The following CDK6 variants were observed in gnomAD, a reference collection of about 807,000 sequenced individuals.
The protein encoded by CDK6 is cyclin-dependent kinase 6.
CDK6 carries 6 observed loss-of-function variants against 37.1 expected under a neutral mutation model. The ratio of observed to expected loss-of-function variants is 0.16; its 90% CI spans 0.09 to 0.32. CDK6 has a LOEUF of 0.32. Among genes scored for constraint, CDK6 ranks in the 10% least tolerant of loss-of-function variants. The pLI is 1.00. For synonymous variants in CDK6, 160 were observed against 161.3 expected, an observed-to-expected ratio of 0.99 and a Z score of 0.06; for missense variants, 224 against 418.9, an observed-to-expected ratio of 0.53 and a Z score of 4.06.
chr7:92,680,668 T>C (rs1253957072), intron 4 of CDK6, among the ~76,000 whole-genome samples: 2 of 152,106 alleles, frequency 1.3e-5, no homozygotes, highest in Admixed American at 1.3e-4. Context: ...AGGGCTGTAT[T>C]TCCTCACATC....
intron 2 of CDK6, among the ~76,000 whole-genome samples, chr7:92,820,733 A>C (rs572853838): frequency 6.6e-6 from 1 of 152,148 alleles, no homozygotes; most frequent in Non-Finnish European, 1.5e-5. Context: ...CATTTTTCAG[A>C]GTAGAAAGTC....
chr7:92,663,682 C>T (rs1348980977), intron 5 of CDK6, among the ~76,000 whole-genome samples: 3 of 150,172 alleles, frequency 2.0e-5, no homozygotes. Flanking sequence ...GCCTGGGCAA[C>T]AGAGCGAGAC....
At chr7:92,818,505 T>G (rs936869746) in intron 2 of CDK6, among the ~76,000 whole-genome samples, 2 of 151,448 alleles carry the variant, frequency 1.3e-5, no homozygotes, top group Admixed American at 6.6e-5. Context: ...GAAGAAAACA[T>G]AGGAAAAATC....
chr7:92,756,613 T>TA (rs1350998540), intron 3 of CDK6, among the ~76,000 whole-genome samples: 1 of 152,162 alleles, frequency 6.6e-6, no homozygotes. Flanking sequence ...TGCAATAACT[T>TA]AAAGAGTTGT....
At chr7:92,658,197 G>C (rs1796748139) in intron 5 of CDK6, among the ~76,000 whole-genome samples, 1 of 152,122 alleles carries the variant, frequency 6.6e-6, no homozygotes, top group Non-Finnish European at 1.5e-5. Context: ...ATTTGGTTTA[G>C]CTAGCACAAT....
chr7:92,752,610 A>G (rs1189346173), intron 3 of CDK6, among the ~76,000 whole-genome samples: 1 of 152,232 alleles, frequency 6.6e-6, no homozygotes, highest in East Asian at 1.9e-4. Flanking sequence ...AGTGTTTTCA[A>G]TGAAATACGC....
At chr7:92,770,070 C>T (rs370691448) in intron 3 of CDK6, among the ~76,000 whole-genome samples, 5 of 152,262 alleles carry the variant, frequency 3.3e-5, no homozygotes, top group African/African-American at 1.2e-4. Flanking sequence ...TGGCACTGAA[C>T]TCCTCCACAA....
rs1795617662 is a variant in CDK6 at position 92,613,964 on chromosome 7, G to A, written c.*1176C>T. The A allele has an allele frequency of 4.3e-6, 1 of 233,098 alleles. No individual in the cohort carries two copies. The highest frequency in any genetic ancestry group is 1.8e-4 in the South Asian group (1 of 5,536). The allele number at this position is 233,098 out of a possible 1,614,324, so 14.4% of individuals were successfully genotyped here. A position where few individuals can be genotyped will look rare whatever the true frequency, so the allele number is the denominator to read the frequency against. On this transcript the variant is annotated 3_prime_UTR_variant, in exon 8 of 8. Transcript: ENST00000424848. The stretch of plus-strand genomic sequence containing the variant: ...CAGGTGGTGCATGGGAACAGCTTAA[G>A]CAATCTGTTATTAGTTATACAATGG...
chr7:92,738,893 T>C (rs1798853640), intron 3 of CDK6, among the ~76,000 whole-genome samples: 1 of 152,144 alleles, frequency 6.6e-6, no homozygotes, highest in South Asian at 2.1e-4. Context: ...AAACCCCCAG[T>C]CAGCTTTTGG....
intron 4 of CDK6, among the ~76,000 whole-genome samples, chr7:92,698,944 T>C (rs1331435955): frequency 6.6e-6 from 1 of 152,252 alleles, no homozygotes; most frequent in Non-Finnish European, 1.5e-5. Context: ...TTTTCCTATA[T>C]GGGCTCTGGC....
At chr7:92,686,825 A>G (rs2116633372) in intron 4 of CDK6, among the ~76,000 whole-genome samples, 1 of 152,172 alleles carries the variant, frequency 6.6e-6, no homozygotes, top group Non-Finnish European at 1.5e-5. Context: ...TTGCAGGAGT[A>G]AGGCAGTATT....
At position 92,612,381 on chromosome 7, in the gene CDK6, G is replaced by A. The variant is rs1206602814; in HGVS notation, c.*2759C>T. 8 of 233,194 alleles carry A rather than the reference G, an allele frequency of 3.4e-5. No homozygotes were observed. The highest frequency in any genetic ancestry group is 2.2e-4 in the Admixed American group (4 of 17,798). 14.4% of individuals were successfully genotyped at this position (233,194 alleles called of 1,614,324 possible). A position where few individuals can be genotyped will look rare whatever the true frequency, so the allele number is the denominator to read the frequency against. On this transcript the variant is annotated 3_prime_UTR_variant, in exon 8 of 8. Transcript: ENST00000424848. Reference sequence around the variant, plus strand: ...ACCATATGTTACAGAAGAATAAGCTGTAGTCACTAAGTTCTTACTCTACTA... The same window carrying A: ...ACCATATGTTACAGAAGAATAAGCTATAGTCACTAAGTTCTTACTCTACTA...
intron 3 of CDK6, among the ~76,000 whole-genome samples, chr7:92,729,379 C>T (rs1798589653): frequency 6.6e-6 from 1 of 152,178 alleles, no homozygotes; most frequent in Non-Finnish European, 1.5e-5. Flanking sequence ...TTAAAAGTTT[C>T]CCTTTTTATG....
chr7:92,829,716 T>C (rs1161424537), intron 2 of CDK6, among the ~76,000 whole-genome samples: 3 of 152,212 alleles, frequency 2.0e-5, no homozygotes, highest in Non-Finnish European at 4.4e-5. Flanking sequence ...AGCACTTGAT[T>C]CTGATTAGCC....
At chr7:92,691,323 G>T (rs996298431) in intron 4 of CDK6, among the ~76,000 whole-genome samples, 12 of 152,174 alleles carry the variant, frequency 7.9e-5, no homozygotes, top group Non-Finnish European at 1.6e-4. Context: ...CAGAAACACA[G>T]ATGACTTCAT....
chr7:92,723,910 C>G (rs899272890), intron 4 of CDK6, among the ~76,000 whole-genome samples: 1 of 83,748 alleles, frequency 1.2e-5, no homozygotes, highest in Non-Finnish European at 2.9e-5. Context: ...ATTTAATAAG[C>G]AAAAAAAAAA....
chr7:92,789,961 A>G (rs973159438), intron 2 of CDK6, among the ~76,000 whole-genome samples: 5 of 152,084 alleles, frequency 3.3e-5, no homozygotes, highest in African/African-American at 4.8e-5. Context: ...TTCTTCCCCA[A>G]TGTACCACCA....
rs1372735387 is a variant in CDK6, at chr7:92,612,962, G to A, written c.*2178C>T. 2 of 232,968 alleles carry A rather than the reference G, an allele frequency of 8.6e-6. No homozygotes were observed. The highest frequency in any genetic ancestry group is 1.7e-5 in the Non-Finnish European group (2 of 117,966). 14.4% of individuals were successfully genotyped at this position (232,968 alleles called of 1,614,324 possible). On this transcript the variant is annotated 3_prime_UTR_variant, in exon 8 of 8. Coordinates refer to ENST00000424848, the MANE Select transcript of CDK6 (RefSeq NM_001145306.2). ...GGAAAGGCAGAACTCACTTTTCCATGTGAGACTTTGAGTAGACCTGACCTT... is the reference window on the plus strand; with the variant it reads ...GGAAAGGCAGAACTCACTTTTCCATATGAGACTTTGAGTAGACCTGACCTT...
intron 5 of CDK6, among the ~76,000 whole-genome samples, chr7:92,665,267 TCATCCATCCATCCATC>T (rs3831549): frequency 8.0e-5 from 12 of 150,826 alleles, no homozygotes; most frequent in East Asian, 2.0e-4. Flanking sequence ...AACCATCCAA[TCATCCATCCATCCATC>T]CATCCATCCA....
Sources: gnomAD v4.1 joint callset for allele counts (sites outside exome capture counted in the v4.1 genomes callset) on GRCh38, gnomAD v4.1.1 for gene constraint, MANE v1.5 for transcripts, NCBI Gene and HGNC (gene_info 2026-07-23, HGNC 2026-07-21) for gene names.